The following EHMT1 variants were observed in gnomAD, a reference collection of about 807,000 sequenced individuals.
The protein encoded by EHMT1 is histone-lysine N-methyltransferase EHMT1.
A neutral mutation model predicts 147.2 loss-of-function variants in EHMT1; 15 were observed. That is an observed-to-expected ratio of 0.10 (90% confidence interval 0.07 to 0.16). The LOEUF (loss-of-function observed/expected upper bound fraction) is 0.16, where lower values mean the gene tolerates loss of function less well. EHMT1 is among the 10% of genes least tolerant of loss of function. The pLI, the probability that EHMT1 is intolerant of heterozygous loss-of-function variation, is 1.00. For missense variants in EHMT1, 1,587 were observed against 1,772.4 expected (o/e 0.90, Z 1.88); for synonymous variants, 795 against 709.6 (o/e 1.12, Z -1.91).
chr9:137,699,156 A>G (rs1334466756), intron 1 of EHMT1, among the ~76,000 whole-genome samples: 1 of 152,230 alleles, frequency 6.6e-6, no homozygotes, highest in Non-Finnish European at 1.5e-5. Flanking sequence ...TGGAAAGGTG[A>G]TGCTGAGCTC....
intron 16 of EHMT1, among the ~76,000 whole-genome samples, chr9:137,797,510 G>A (rs2137277517): frequency 6.6e-6 from 1 of 152,312 alleles, no homozygotes; most frequent in South Asian, 2.1e-4. Flanking sequence ...TGAATTCTGT[G>A]ACAGTCTGCC....
At chr9:137,622,115 CT>C (rs1842974796) in intron 1 of EHMT1, among the ~76,000 whole-genome samples, 1 of 126,618 alleles carries the variant, frequency 7.9e-6, no homozygotes, top group African/African-American at 2.9e-5. Flanking sequence ...TCCCTCCCCC[CT>C]CCCCCCTTTT....
chr9:137,795,419 A>T (rs528100509), intron 16 of EHMT1, among the ~76,000 whole-genome samples: 239 of 18,738 alleles, frequency 0.013, 3 homozygotes, highest in African/African-American at 0.033. Flanking sequence ...ACACACACAC[A>T]CACACACACT....
chr9:137,680,414 A>G (rs976685161), intron 1 of EHMT1, among the ~76,000 whole-genome samples: 2 of 152,222 alleles, frequency 1.3e-5, no homozygotes, highest in Non-Finnish European at 2.9e-5. Context: ...CAGAGGTTGC[A>G]GTGGGCTGAA....
At position 137,752,376 on chromosome 9, in the gene EHMT1, G is replaced by A; in HGVS notation, c.1216G>A (p.Glu406Lys). Reference protein sequence around the residue: ...EEEQESVDTGEEEEGGDESDL... With the variant: ...EEEQESVDTGKEEEGGDESDL... ...GGAGCAGGAGTCCGTGGACACCGGGGAGGAGGAGGAAGGCGGTGACGAGTC... is the reference window on the plus strand; with the variant it reads ...GGAGCAGGAGTCCGTGGACACCGGGAAGGAGGAGGAAGGCGGTGACGAGTC... The change falls in exon 7 of 27, where the codon GAG (glutamate) becomes AAG (lysine). Residue 406 changes from glutamate to lysine, a missense_variant. Glu to Lys is a moderately conservative substitution (Grantham distance 56). Transcript: ENST00000460843. 6.2e-7 allele frequency: 1 copy of A among 1,614,142 alleles called. No homozygotes were observed. Among genetic ancestry groups the A allele is most frequent in the Non-Finnish European group, 8.5e-7 (1 of 1,180,004 alleles).
Position 137,762,699 on chromosome 9 carries a change from T to A in EHMT1, c.1526T>A (p.Leu509Gln). The A allele has an allele frequency of 6.2e-7, 1 of 1,614,226 alleles. No individual in the cohort carries two copies. Among genetic ancestry groups the A allele is most frequent in the Non-Finnish European group, 8.5e-7 (1 of 1,180,036 alleles). The change falls in exon 10 of 27, where the codon CTG becomes CAG. Residue 509 changes from leucine (L) to glutamine (Q), a missense_variant. Physicochemically the swap from Leu to Gln is moderately radical, Grantham distance 113. Around this residue, in one of 7 missense-constraint regions of EHMT1, gnomAD observed 810 missense variants for 673.0 expected, o/e 1.20. Transcript: ENST00000460843. ...GGGTTGGCCAACGGTCCAGATGTGC[T>A]GGAGACAGACGGCCTCCAGGAAGTG... Reference protein sequence around the residue: ...AEGLANGPDVLETDGLQEVPL... With the variant: ...AEGLANGPDVQETDGLQEVPL...
In EHMT1 at chr9:137,717,663, C is replaced by T. The variant is rs140201260; in HGVS notation, c.642+481C>T. 2.9e-4 allele frequency among the ~76,000 whole-genome samples: 44 copies of T among 150,362 alleles called. No homozygotes were observed. In the East Asian group the frequency reaches 5.5e-3, roughly 19 times the overall value. ...AATGCCTTGTGCGTGAGTGACAAAG[C>T]GGAGTGATGCCAGGTGACGCCTCGC... On this transcript the variant is annotated intron_variant, in intron 3 of 26. Transcript: ENST00000460843.
chr9:137,657,150 G>A (rs955491393), intron 1 of EHMT1, among the ~76,000 whole-genome samples: 13 of 152,164 alleles, frequency 8.5e-5, no homozygotes, highest in Admixed American at 6.5e-4. Context: ...TGTTATGGCC[G>A]GTGTAGACAA....
At chr9:137,730,529 A>T (rs1427175201) in intron 4 of EHMT1, among the ~76,000 whole-genome samples, 1 of 152,052 alleles carries the variant, frequency 6.6e-6, no homozygotes, top group Non-Finnish European at 1.5e-5. Flanking sequence ...GGGCTCAAGC[A>T]GTCCTCCTGA....
intron 1 of EHMT1, among the ~76,000 whole-genome samples, chr9:137,667,732 TGAAAG>T (rs1205919661): frequency 1.3e-5 from 2 of 152,150 alleles, no homozygotes; most frequent in East Asian, 1.9e-4. Flanking sequence ...TGTGTTTTCT[TGAAAG>T]GAAATTGTCT....
intron 25 of EHMT1, among the ~76,000 whole-genome samples, chr9:137,826,504 G>C (rs1955821972): frequency 6.6e-6 from 1 of 152,200 alleles, no homozygotes; most frequent in South Asian, 2.1e-4. Context: ...TGAGGCTGCT[G>C]TAACAGAACA....
chr9:137,808,197 C>G (rs1041782198), intron 18 of EHMT1, among the ~76,000 whole-genome samples: 1 of 152,188 alleles, frequency 6.6e-6, no homozygotes, highest in African/African-American at 2.4e-5. Context: ...AGTGCACATT[C>G]TCAACAGGCT....
chr9:137,723,136 T>A (rs113251523), intron 3 of EHMT1, among the ~76,000 whole-genome samples: 354 of 63,036 alleles, frequency 5.6e-3, no homozygotes, highest in Middle Eastern at 0.022. Context: ...TCTGGGCCTG[T>A]GCCCGGGGTG....
chr9:137,739,266 G>A (rs1340585050), intron 4 of EHMT1, among the ~76,000 whole-genome samples: 2 of 151,018 alleles, frequency 1.3e-5, no homozygotes, highest in African/African-American at 2.4e-5. Context: ...TGAGGCAGGA[G>A]AATGGCGTGA....
At position 137,621,862 on chromosome 9, in the gene EHMT1, T is replaced by G. The variant is rs1215063185; in HGVS notation, c.21+2813T>G. Among the ~76,000 whole-genome samples, 4 of 151,850 alleles carry G rather than the reference T, an allele frequency of 2.6e-5. No individual in the cohort carries two copies. In the East Asian group the frequency reaches 7.7e-4, roughly 29 times the overall value. ...CTTCTTTATTTTTTCTTTTTTAAAA[T>G]AATGCAGGCACGTGCGCATAATTTA... On this transcript the variant is annotated intron_variant, in intron 1 of 26. Transcript: ENST00000460843.
intron 1 of EHMT1, among the ~76,000 whole-genome samples, chr9:137,620,433 T>G (rs978572791): frequency 1.3e-5 from 2 of 152,180 alleles, no homozygotes; most frequent in African/African-American, 4.8e-5. Flanking sequence ...TATTATTTTT[T>G]GAGACAGGAT....
At chr9:137,644,909 G>A (rs949236845) in intron 1 of EHMT1, among the ~76,000 whole-genome samples, 7 of 151,998 alleles carry the variant, frequency 4.6e-5, no homozygotes, top group African/African-American at 1.2e-4. Flanking sequence ...GTCTCCCTCT[G>A]TTGCCCAGGC....
chr9:137,834,589 G>T (rs963141098), intron 26 of EHMT1, 65 bp downstream of exon 26: 2 of 1,602,952 alleles, frequency 1.2e-6, no homozygotes, highest in South Asian at 1.1e-5. Context: ...AACGGGGCTC[G>T]CATTGCTTTC....
intron 25 of EHMT1, among the ~76,000 whole-genome samples, chr9:137,824,597 T>C (rs933704364): frequency 1.3e-5 from 2 of 152,214 alleles, no homozygotes; most frequent in African/African-American, 4.8e-5. Flanking sequence ...CATTATCGCA[T>C]TGAGCCTTCT....
Sources: allele counts gnomAD v4.1 joint callset (sites outside exome capture counted in the v4.1 genomes callset), GRCh38; gene constraint gnomAD v4.1.1; regional missense constraint gnomAD v4.1.1; transcripts MANE v1.5; gene names NCBI Gene and HGNC (gene_info 2026-07-23, HGNC 2026-07-21).